The following PDGFD variants were observed in gnomAD, a reference collection of about 807,000 sequenced individuals.
The protein encoded by PDGFD is platelet derived growth factor D.
A neutral mutation model predicts 44.7 loss-of-function variants in PDGFD; 30 were observed. The observed-to-expected ratio is 0.67, with a 90% confidence interval of 0.50 to 0.91. The LOEUF is 0.91. Among genes scored for constraint, PDGFD ranks in the 40% least tolerant of loss-of-function variants. PDGFD has a pLI of 0.00. For missense variants in PDGFD, 445 were observed against 457.8 expected, an observed-to-expected ratio of 0.97 and a Z score of 0.25; for synonymous variants, 173 against 168.4, an observed-to-expected ratio of 1.03 and a Z score of -0.21.
Position 104,145,094 on chromosome 11 carries a change from A to G in PDGFD, c.124+18710T>C, listed in dbSNP as rs182423003. Among the ~76,000 whole-genome samples, 6 of 152,222 alleles carry G rather than the reference A, an allele frequency of 3.9e-5. No homozygotes were observed. In the East Asian group the frequency reaches 1.2e-3, roughly 29 times the overall value. ...CATTTACTTTATAATAAGTGGTGTTATTGTTATTGTTATTTAATCTCTGAG... is the reference window on the plus strand; with the variant it reads ...CATTTACTTTATAATAAGTGGTGTTGTTGTTATTGTTATTTAATCTCTGAG... On this transcript the variant is annotated intron_variant, in intron 1 of 6. Transcript: ENST00000393158.
intron 1 of PDGFD, among the ~76,000 whole-genome samples, chr11:104,128,736 G>A (rs1501456): frequency 0.13 from 19,798 of 152,066 alleles, 1,428 homozygotes; most frequent in East Asian, 0.29. Flanking sequence ...CCTTTAAAAT[G>A]AGGGCAAGAA....
Position 104,163,828 on chromosome 11 carries a change from G to A in PDGFD, c.100C>T (p.Arg34Cys). The change falls in exon 1 of 7, where the codon CGC (arginine) becomes TGC (cysteine). Residue 34 changes from arginine to cysteine, a missense_variant. Transcript: ENST00000393158. Reference protein sequence around the residue: ...TPQSASIKALRNANLRRDESN... With the variant: ...TPQSASIKALCNANLRRDESN... ...CCATCTCGCCTGAGGTTGGCGTTGC[G>A]CAAAGCTTTGATGGATGCGCTCTGC... is the stretch of plus-strand genomic sequence containing the variant. 1.3e-6 allele frequency: 2 copies of A among 1,553,338 alleles called. No individual in the cohort carries two copies. Among genetic ancestry groups the A allele is most frequent in the South Asian group, 1.2e-5 (1 of 82,808 alleles).
intron 1 of PDGFD, among the ~76,000 whole-genome samples, chr11:104,131,411 T>C (rs1292697725): frequency 6.6e-6 from 1 of 152,140 alleles, no homozygotes; most frequent in Non-Finnish European, 1.5e-5. Context: ...GACTTCAAAA[T>C]TTCTAAAATG....
intron 1 of PDGFD, among the ~76,000 whole-genome samples, chr11:104,156,836 T>C (rs1196031046): frequency 6.6e-6 from 1 of 152,256 alleles, no homozygotes. Context: ...TGCCCTTTGC[T>C]GTCCTGTGGG....
intron 3 of PDGFD, among the ~76,000 whole-genome samples, chr11:103,950,780 G>C (rs775079303): frequency 1.3e-5 from 2 of 152,092 alleles, no homozygotes; most frequent in Non-Finnish European, 1.5e-5. Flanking sequence ...GTTTCCAAAA[G>C]GGGAATCAAC....
At chr11:103,937,542 T>C (rs1180179448) in intron 5 of PDGFD, among the ~76,000 whole-genome samples, 1 of 152,102 alleles carries the variant, frequency 6.6e-6, no homozygotes, top group Non-Finnish European at 1.5e-5. Flanking sequence ...TTCTGTTTTG[T>C]TTTGTTTTTT....
chr11:104,017,395 C>T (rs1031369570), intron 1 of PDGFD, among the ~76,000 whole-genome samples: 1 of 151,888 alleles, frequency 6.6e-6, no homozygotes, highest in Non-Finnish European at 1.5e-5. Flanking sequence ...AAACAAACAC[C>T]AGGACATCAG....
Position 104,027,799 on chromosome 11 carries a change from T to C in PDGFD, c.125-27544A>G, listed in dbSNP as rs568817289. On this transcript the variant is annotated intron_variant, in intron 1 of 6. Transcript: ENST00000393158. ...TTTTTTGCAGATGCCTGTATTTTGT[T>C]GACTCTTTTTGGTCACAAGGGCAGA... is the stretch of plus-strand genomic sequence containing the variant. Among the ~76,000 whole-genome samples the C allele has an allele frequency of 7.1e-4, 108 of 152,368 alleles. 1 individual carries two copies. Among genetic ancestry groups the C allele is most frequent in the African/African-American group, 2.5e-3 (105 of 41,588 alleles).
intron 1 of PDGFD, among the ~76,000 whole-genome samples, chr11:104,010,438 A>G (rs148755182): frequency 6.8e-4 from 103 of 152,290 alleles, no homozygotes; most frequent in African/African-American, 2.5e-3. Flanking sequence ...AAAGTATTAT[A>G]TTCATAATTA....
chr11:104,104,561 T>C (rs1462451817), intron 1 of PDGFD, among the ~76,000 whole-genome samples: 1 of 152,098 alleles, frequency 6.6e-6, no homozygotes, highest in Non-Finnish European at 1.5e-5. Flanking sequence ...CTGCCCACAG[T>C]ATTTAGTAGA....
intron 1 of PDGFD, among the ~76,000 whole-genome samples, chr11:104,027,858 G>C (rs533764685): frequency 6.6e-6 from 1 of 152,216 alleles, no homozygotes; most frequent in East Asian, 1.9e-4. Context: ...AGATCTCCTG[G>C]CCTTCTTGGT....
At chr11:104,094,620 T>C (rs1841006930) in intron 1 of PDGFD, among the ~76,000 whole-genome samples, 1 of 152,130 alleles carries the variant, frequency 6.6e-6, no homozygotes, top group Non-Finnish European at 1.5e-5. Context: ...CTTCATCTAA[T>C]CATTTGACAA....
chr11:103,917,554 C>G (rs953169586), intron 6 of PDGFD, among the ~76,000 whole-genome samples: 1 of 151,708 alleles, frequency 6.6e-6, no homozygotes, highest in Admixed American at 6.6e-5. Context: ...TTAAACAATT[C>G]TATAGCATTT....
At chr11:104,119,877 T>G (rs1412174826) in intron 1 of PDGFD, among the ~76,000 whole-genome samples, 1 of 51,080 alleles carries the variant, frequency 2.0e-5, no homozygotes, top group Non-Finnish European at 4.5e-5. Context: ...TATAATCAAT[T>G]ATTATATAGT....
chr11:104,104,751 T>C (rs557916624), intron 1 of PDGFD, among the ~76,000 whole-genome samples: 1 of 152,204 alleles, frequency 6.6e-6, no homozygotes, highest in East Asian at 1.9e-4. Flanking sequence ...TGTATCCCCA[T>C]TGTTGAGTGA....
intron 3 of PDGFD, among the ~76,000 whole-genome samples, chr11:103,975,310 T>C (rs1342541235): frequency 6.6e-6 from 1 of 152,232 alleles, no homozygotes; most frequent in Non-Finnish European, 1.5e-5. Context: ...TGTCTGTTCA[T>C]ATCATTGCCC....
chr11:104,155,331 T>C lies in PDGFD; in HGVS notation c.124+8473A>G, dbSNP rs576853776. On this transcript the variant is annotated intron_variant, in intron 1 of 6. Coordinates refer to ENST00000393158, the MANE Select transcript of PDGFD (RefSeq NM_025208.5). The stretch of plus-strand genomic sequence containing the variant: ...TAAAATCAATAACTTTACTGGGCTA[T>C]AATATAGTTATTCCCCGGCAATATA... Among the ~76,000 whole-genome samples, 8 of 151,762 alleles carry C rather than the reference T, an allele frequency of 5.3e-5. No individual in the cohort carries two copies. The East Asian group carries it at 1.4e-3, about 26-fold the overall frequency.
intron 1 of PDGFD, among the ~76,000 whole-genome samples, chr11:104,025,221 A>G (rs1860024358): frequency 6.6e-6 from 1 of 152,210 alleles, no homozygotes; most frequent in African/African-American, 2.4e-5. Flanking sequence ...GAATCAGCCA[A>G]TTTAGAGCAA....
chr11:104,014,517 A>T (rs1409154787), intron 1 of PDGFD, among the ~76,000 whole-genome samples: 2 of 152,186 alleles, frequency 1.3e-5, no homozygotes, highest in Non-Finnish European at 2.9e-5. Flanking sequence ...ACAAACAAAC[A>T]AACAAAAGAT....
Sources: gnomAD v4.1 joint callset for allele counts (sites outside exome capture counted in the v4.1 genomes callset) on GRCh38, gnomAD v4.1.1 for gene constraint, MANE v1.5 for transcripts, NCBI Gene and HGNC (gene_info 2026-07-23, HGNC 2026-07-21) for gene names.